KLHL29: variants seen among roughly 807,000 people sequenced by gnomAD.
KLHL29 encodes the protein kelch-like protein 29.
Under a neutral mutation model 80.4 loss-of-function variants are expected in KLHL29, and 21 were observed. That is an observed-to-expected ratio of 0.26 (90% confidence interval 0.19 to 0.38). The LOEUF is 0.38. KLHL29 is among the 10% of genes least tolerant of loss of function. KLHL29 has a pLI of 1.00. For synonymous variants in KLHL29, 511 were observed against 526.8 expected, an observed-to-expected ratio of 0.97 and a Z score of 0.41; for missense variants, 867 against 1,223.9, an observed-to-expected ratio of 0.71 and a Z score of 4.35.
intron 3 of KLHL29, among the ~76,000 whole-genome samples, chr2:23,611,122 A>AG (rs1668860987): frequency 6.6e-6 from 1 of 152,154 alleles, no homozygotes; most frequent in Non-Finnish European, 1.5e-5. Context: ...TTAGAAAAGC[A>AG]GGTAGTGTCT....
At chr2:23,418,528 A>G (rs1416761105) in intron 1 of KLHL29, among the ~76,000 whole-genome samples, 2 of 152,162 alleles carry the variant, frequency 1.3e-5, no homozygotes, top group African/African-American at 4.8e-5. Context: ...GAGCTAGTTT[A>G]CAGTAATCAG....
At position 23,472,410 on chromosome 2, in the gene KLHL29, C is replaced by T. The variant is rs138997627; in HGVS notation, c.-153-3150C>T. Among the ~76,000 whole-genome samples the T allele has an allele frequency of 8.1e-3, 1,232 of 152,096 alleles. 15 individuals carry two copies. The highest frequency in any genetic ancestry group is 0.028 in the African/African-American group (1,171 of 41,480). On this transcript the variant is annotated intron_variant, in intron 1 of 13. Transcript: ENST00000486442. ...TAGCACTTTGGGAGGCCGAGGCGGG[C>T]GGATCACAAGGTCAGAAGATCAAGA... is the stretch of plus-strand genomic sequence containing the variant.
At chr2:23,504,849 G>A (rs559887858) in intron 2 of KLHL29, among the ~76,000 whole-genome samples, 25 of 152,318 alleles carry the variant, frequency 1.6e-4, no homozygotes, top group Middle Eastern at 3.4e-3. Context: ...CATTCTGGCC[G>A]TTGAATGTGC....
chr2:23,481,315 C>T (rs113601162), intron 2 of KLHL29, among the ~76,000 whole-genome samples: 6 of 152,350 alleles, frequency 3.9e-5, no homozygotes, highest in South Asian at 2.1e-4. Flanking sequence ...TTCCCTCCTC[C>T]GTTTCCTGCT....
chr2:23,403,726 AGTGTGTGTGT>A (rs36116395), intron 1 of KLHL29, among the ~76,000 whole-genome samples: 214 of 144,116 alleles, frequency 1.5e-3, no homozygotes, highest in African/African-American at 5.1e-3. Flanking sequence ...AGAGAGAGAG[AGTGTGTGTGT>A]GTGTGTGTGT....
chr2:23,494,851 A>G (rs1339683542), intron 2 of KLHL29, among the ~76,000 whole-genome samples: 1 of 152,048 alleles, frequency 6.6e-6, no homozygotes, highest in Non-Finnish European at 1.5e-5. Flanking sequence ...CCCAGTTGCC[A>G]TCAGCGTATC....
At chr2:23,396,969 C>T (rs558752195) in intron 1 of KLHL29, among the ~76,000 whole-genome samples, 1 of 152,286 alleles carries the variant, frequency 6.6e-6, no homozygotes, top group East Asian at 1.9e-4. Context: ...ATAAGGTCAC[C>T]ACCTCACTTG....
At chr2:23,553,598 G>A (rs754766454) in intron 2 of KLHL29, among the ~76,000 whole-genome samples, 3 of 152,352 alleles carry the variant, frequency 2.0e-5, no homozygotes, top group African/African-American at 7.2e-5. Flanking sequence ...TGTGTGAAGG[G>A]CCAGGGCTAG....
At chr2:23,542,783 T>C (rs2103484429) in intron 2 of KLHL29, among the ~76,000 whole-genome samples, 1 of 152,298 alleles carries the variant, frequency 6.6e-6, no homozygotes, top group African/African-American at 2.4e-5. Context: ...ACCTGGAAGA[T>C]GATCTCATAG....
intron 5 of KLHL29, among the ~76,000 whole-genome samples, chr2:23,645,226 T>TG (rs886477228): frequency 8.5e-5 from 13 of 152,238 alleles, no homozygotes; most frequent in African/African-American, 2.7e-4. Flanking sequence ...GCATATTTTT[T>TG]AAAATAAGAA....
At chr2:23,390,375 C>T (rs74650626) in intron 1 of KLHL29, among the ~76,000 whole-genome samples, 2,523 of 152,218 alleles carry the variant, frequency 0.017, 27 homozygotes, top group Non-Finnish European at 0.02. Context: ...ATGGTTGTAA[C>T]GGCCGGGGAT....
At chr2:23,414,774 CAG>C (rs1277881935) in intron 1 of KLHL29, among the ~76,000 whole-genome samples, 1 of 152,228 alleles carries the variant, frequency 6.6e-6, no homozygotes. Flanking sequence ...CTGCAGCAAA[CAG>C]AGGAAAATAC....
chr2:23,451,851 G>A (rs938024149), intron 1 of KLHL29, among the ~76,000 whole-genome samples: 5 of 152,180 alleles, frequency 3.3e-5, no homozygotes, highest in African/African-American at 1.2e-4. Context: ...TATAAAGAAA[G>A]GAGTTCATTT....
intron 2 of KLHL29, among the ~76,000 whole-genome samples, chr2:23,532,199 C>T (rs1229866507): frequency 2.6e-5 from 4 of 152,194 alleles, no homozygotes; most frequent in Non-Finnish European, 5.9e-5. Context: ...AAGGCTGAGG[C>T]CATTTGACAT....
At chr2:23,698,622 T>G (rs911918704) in intron 11 of KLHL29, among the ~76,000 whole-genome samples, 2 of 152,216 alleles carry the variant, frequency 1.3e-5, no homozygotes, top group Admixed American at 6.5e-5. Flanking sequence ...TAATTATAGA[T>G]TAAGACAACA....
At chr2:23,636,835 T>C (rs565068920) in intron 3 of KLHL29, among the ~76,000 whole-genome samples, 2 of 152,258 alleles carry the variant, frequency 1.3e-5, no homozygotes, top group African/African-American at 4.8e-5. Context: ...TCCTGAAGTT[T>C]TAGCGCTCAG....
intron 2 of KLHL29, among the ~76,000 whole-genome samples, chr2:23,525,310 A>G (rs1666268732): frequency 6.6e-6 from 1 of 152,252 alleles, no homozygotes; most frequent in African/African-American, 2.4e-5. Context: ...GGGAGGGCAG[A>G]GGACACTTCT....
chr2:23,607,747 G>A (rs979963720), intron 3 of KLHL29, among the ~76,000 whole-genome samples: 3 of 152,186 alleles, frequency 2.0e-5, no homozygotes, highest in African/African-American at 7.2e-5. Flanking sequence ...GATCTAGGTT[G>A]CATGCTCCTT....
chr2:23,627,981 C>T (rs1669363207), intron 3 of KLHL29, among the ~76,000 whole-genome samples: 1 of 142,152 alleles, frequency 7.0e-6, no homozygotes, highest in African/African-American at 2.7e-5. Flanking sequence ...GATCTCGGCT[C>T]ACCGCAACCT....
Sources: gnomAD v4.1 joint callset for allele counts (sites outside exome capture counted in the v4.1 genomes callset) on GRCh38, gnomAD v4.1.1 for gene constraint, MANE v1.5 for transcripts, NCBI Gene and HGNC (gene_info 2026-07-23, HGNC 2026-07-21) for gene names.